Variants in DHCR24 observed in about 807,000 individuals in gnomAD.
DHCR24 encodes delta(24)-sterol reductase.
A neutral mutation model predicts 61.2 loss-of-function variants in DHCR24; 28 were observed. The ratio of observed to expected loss-of-function variants is 0.46; its 90% CI spans 0.34 to 0.63. The LOEUF (loss-of-function observed/expected upper bound fraction) is 0.63, where lower values mean the gene tolerates loss of function less well. Among genes scored for constraint, DHCR24 ranks in the 20% least tolerant of loss-of-function variants. The probability of loss-of-function intolerance (pLI) is 0.01; values close to 1 mark genes in which losing one functional copy is unlikely to be tolerated. For missense variants in DHCR24, 538 were observed against 679.1 expected, an observed-to-expected ratio of 0.79 and a Z score of 2.31; for synonymous variants, 261 against 275.9, an observed-to-expected ratio of 0.95 and a Z score of 0.54.
rs56198608 is a variant in DHCR24, at chr1:54,878,514, CAAAAAAAAAAAA to C, written c.388-2479_388-2468del. Among the ~76,000 whole-genome samples, 3 of 54,326 alleles carry C rather than the reference CAAAAAAAAAAAA, an allele frequency of 5.5e-5. 1 individual carries two copies. Among genetic ancestry groups the C allele is most frequent in the African/African-American group, 2.1e-4 (3 of 14,148 alleles). The allele number at this position is 54,326 out of a possible 152,430, so 35.6% of individuals were successfully genotyped here. On this transcript the variant is annotated intron_variant, in intron 2 of 8. Coordinates refer to ENST00000371269, the MANE Select transcript of DHCR24 (RefSeq NM_014762.4). The stretch of plus-strand genomic sequence containing the variant: ...GGGCAACAAGAGTGAAACTCTGTCT[CAAAAAAAAAAAA>C]AAAAAAAAAAAAAAAAAGATAATAG...
chr1:54,887,179 C>T lies in DHCR24; in HGVS notation c.-60G>A. The T allele has an allele frequency of 1.4e-6, 2 of 1,423,162 alleles. No individual in the cohort carries two copies. The highest frequency in any genetic ancestry group is 1.3e-5 in the South Asian group (1 of 79,116). The allele number at this position is 1,423,162 out of a possible 1,614,324, so 88.2% of individuals were successfully genotyped here. A position where few individuals can be genotyped will look rare whatever the true frequency, so the allele number is the denominator to read the frequency against. On this transcript the variant is annotated 5_prime_UTR_variant, in exon 1 of 9. Coordinates refer to ENST00000371269, the MANE Select transcript of DHCR24 (RefSeq NM_014762.4). ...CGCCTCCTGTCACTGCCGCCAGCTC[C>T]GCGCCTGGCCCGCTCTGCGCCTGTA...
chr1:54,876,567 T>A (rs1284078365), intron 2 of DHCR24, among the ~76,000 whole-genome samples: 1 of 151,822 alleles, frequency 6.6e-6, no homozygotes, highest in Non-Finnish European at 1.5e-5. Flanking sequence ...GGCAGGAGAA[T>A]CACTTGAACC....
intron 1 of DHCR24, among the ~76,000 whole-genome samples, chr1:54,885,151 G>A (rs1283851073): frequency 6.6e-6 from 1 of 152,180 alleles, no homozygotes; most frequent in Admixed American, 6.5e-5. Flanking sequence ...AGCTCAACAC[G>A]GGGAAGGACT....
Position 54,875,167 on chromosome 1 carries a change from A to C in DHCR24, c.538T>G (p.Tyr180Asp), listed in dbSNP as rs1461603195. ...GTGCAGATGTGTTGGAACAGGCCGT[A>C]CTTGTGGGATGATGACTCGATGCCT... is the stretch of plus-strand genomic sequence containing the variant. ...GTGIESSSHK[Y>D]GLFQHICTAY... The change falls in exon 4 of 9, where the codon TAC becomes GAC. Residue 180 changes from tyrosine to aspartate, a missense_variant. Tyr to Asp is a radical substitution (Grantham distance 160). Coordinates refer to ENST00000371269, the MANE Select transcript of DHCR24 (RefSeq NM_014762.4). 5.6e-6 allele frequency: 9 copies of C among 1,614,204 alleles called. No homozygotes were observed. In the South Asian group the frequency reaches 7.7e-5, roughly 14 times the overall value.
intron 1 of DHCR24, chr1:54,886,540 AC>A: frequency 8.1e-7 from 1 of 1,230,922 alleles, no homozygotes; most frequent in Non-Finnish European, 1.1e-6. Context: ...CATTTCCCAT[AC>A]TTCCCAATCT....
intron 5 of DHCR24, among the ~76,000 whole-genome samples, chr1:54,866,870 A>C (rs1646971010): frequency 6.6e-6 from 1 of 152,178 alleles, no homozygotes; most frequent in South Asian, 2.1e-4. Context: ...CAGCGCAAAA[A>C]ACACTCACGC....
chr1:54,865,397 T>G lies in DHCR24; in HGVS notation c.926A>C (p.Glu309Ala), dbSNP rs946944655. The G allele has an allele frequency of 2.5e-6, 4 of 1,614,176 alleles. No homozygotes were observed. Among genetic ancestry groups the G allele is most frequent in the Admixed American group, 3.3e-5 (2 of 60,016 alleles). The change falls in exon 6 of 9, where the codon GAG becomes GCG. Residue 309 changes from glutamate to alanine, a missense_variant. By Grantham distance (107) the Glu-to-Ala change is moderately radical. Transcript: ENST00000371269. Reference sequence around the variant, plus strand: ...CTCTCGGTTTGTCTTCAGATAGTTCTCCACATGCTTAAAGAACCACGGCTT... The same window carrying G: ...CTCTCGGTTTGTCTTCAGATAGTTCGCCACATGCTTAAAGAACCACGGCTT... ...YYKPWFFKHVENYLKTNREGL... is the reference protein window; with the variant it reads ...YYKPWFFKHVANYLKTNREGL...
In DHCR24 at chr1:54,850,035, A is replaced by G. The variant is rs1646866124; in HGVS notation, c.*2198T>C. ...ATGGCCAGGGACAGGACTGGCTACA[A>G]AAAAAAGCCATGAACTCAGCTCACC... is the stretch of plus-strand genomic sequence containing the variant. On this transcript the variant is annotated 3_prime_UTR_variant, in exon 9 of 9. Transcript: ENST00000371269. 1 of 152,222 alleles carries G rather than the reference A, an allele frequency of 6.6e-6. No individual in the cohort carries two copies. Among genetic ancestry groups the G allele is most frequent in the African/African-American group, 2.4e-5 (1 of 41,448 alleles). The allele number at this position is 152,222 out of a possible 1,614,324, so 9.4% of individuals were successfully genotyped here.
chr1:54,886,084 A>G (rs993493978), intron 1 of DHCR24, among the ~76,000 whole-genome samples: 2 of 152,200 alleles, frequency 1.3e-5, no homozygotes, highest in African/African-American at 2.4e-5. Flanking sequence ...TGGCAGCAGG[A>G]AACAGAAGCT....
At chr1:54,871,048 C>T (rs771595270) in intron 5 of DHCR24, among the ~76,000 whole-genome samples, 20 of 152,210 alleles carry the variant, frequency 1.3e-4, no homozygotes, top group Non-Finnish European at 2.4e-4. Flanking sequence ...GCCCAGCCTA[C>T]ATTACCTCTT....
rs149157846 is a variant in DHCR24 at position 54,868,499 on chromosome 1, A to G, written c.876+2851T>C. 2.3e-4 allele frequency among the ~76,000 whole-genome samples: 35 copies of G among 152,272 alleles called. No homozygotes were observed. The East Asian group carries it at 6.4e-3, about 28-fold the overall frequency. The stretch of plus-strand genomic sequence containing the variant: ...AAAAACAAAAGATATTACTCAAATT[A>G]CAGACAAAAGATGTTCATTGCTCCA... On this transcript the variant is annotated intron_variant, in intron 5 of 8. Transcript: ENST00000371269.
chr1:54,884,990 T>C (rs1449390019), intron 1 of DHCR24, among the ~76,000 whole-genome samples: 1 of 152,192 alleles, frequency 6.6e-6, no homozygotes, highest in Non-Finnish European at 1.5e-5. Context: ...CTGATCCAGT[T>C]GTACTCCCAG....
chr1:54,865,151 C>T (rs762165079), intron 6 of DHCR24, 152 bp downstream of exon 6: 6 of 932,070 alleles, frequency 6.4e-6, no homozygotes, highest in East Asian at 2.7e-5. Context: ...CAGAAGGAAA[C>T]GACTGTGTTG....
chr1:54,876,877 AGGAGGCTGGT>A (rs1647036580), intron 2 of DHCR24, among the ~76,000 whole-genome samples: 1 of 151,850 alleles, frequency 6.6e-6, no homozygotes, highest in Non-Finnish European at 1.5e-5. Context: ...CATGTGCCCA[AGGAGGCTGGT>A]GCACAGCTTG....
At position 54,850,320 on chromosome 1, in the gene DHCR24, C is replaced by A. The variant is rs1049160937; in HGVS notation, c.*1913G>T. ...ATTCATCTACAGCAAGTAGAATCAT[C>A]AGTTTTGCACTGAGCAAGGAAGCAC... On this transcript the variant is annotated 3_prime_UTR_variant, in exon 9 of 9. Transcript: ENST00000371269. 6.6e-6 allele frequency: 1 copy of A among 152,248 alleles called. No individual in the cohort carries two copies. Among genetic ancestry groups the A allele is most frequent in the Non-Finnish European group, 1.5e-5 (1 of 68,050 alleles). 9.4% of individuals were successfully genotyped at this position (152,248 alleles called of 1,614,324 possible).
intron 1 of DHCR24, 27 bp downstream of exon 1, chr1:54,886,862 G>C (rs970478802): frequency 1.2e-6 from 2 of 1,608,172 alleles, no homozygotes; most frequent in Non-Finnish European, 1.7e-6. Context: ...CCGGCCCTGA[G>C]TCCCGGCCGC....
At position 54,865,170 on chromosome 1, in the gene DHCR24, G is replaced by A. The variant is rs1043504071; in HGVS notation, c.1020+133C>T. 5.5e-6 allele frequency: 6 copies of A among 1,090,590 alleles called. No homozygotes were observed. The East Asian group carries it at 1.6e-4, about 28-fold the overall frequency. 67.6% of individuals were successfully genotyped at this position (1,090,590 alleles called of 1,614,324 possible). On this transcript the variant is annotated intron_variant, in intron 6 of 8. Coordinates refer to ENST00000371269, the MANE Select transcript of DHCR24 (RefSeq NM_014762.4). ...AGGAAACGACTGTGTTGCTGCTTAAGAAGGCATTGCAGTTCCTTAGGACAA... is the reference window on the plus strand; with the variant it reads ...AGGAAACGACTGTGTTGCTGCTTAAAAAGGCATTGCAGTTCCTTAGGACAA...
rs1485842160 is a variant in DHCR24 at position 54,865,431 on chromosome 1, T to G, written c.892A>C (p.Asn298His). 1.2e-6 allele frequency: 2 copies of G among 1,614,054 alleles called. No individual in the cohort carries two copies. The highest frequency in any genetic ancestry group is 1.7e-6 in the Non-Finnish European group (2 of 1,180,046). Reference protein sequence around the residue: ...AEPSKLNSIGNYYKPWFFKHV... With the variant: ...AEPSKLNSIGHYYKPWFFKHV... ...TTAAAGAACCACGGCTTGTAGTAAT[T>G]GCCAATGCTATTCAGCTGAAATGAC... The change falls in exon 6 of 9, where the codon AAT (asparagine) becomes CAT (histidine). Residue 298 changes from asparagine to histidine, a missense_variant. Transcript: ENST00000371269.
Position 54,857,953 on chromosome 1 carries a change from G to A in DHCR24, c.1021-3719C>T, listed in dbSNP as rs147447581. Among the ~76,000 whole-genome samples the A allele has an allele frequency of 2.4e-4, 36 of 152,304 alleles. No homozygotes were observed. The East Asian group carries it at 7.0e-3, about 29-fold the overall frequency. ...GCTTGTTAAGGGGCTTAGCACGCAGGCCTGGTCACACTTGGTTCATTCCAG... is the reference window on the plus strand; with the variant it reads ...GCTTGTTAAGGGGCTTAGCACGCAGACCTGGTCACACTTGGTTCATTCCAG... On this transcript the variant is annotated intron_variant, in intron 6 of 8. Transcript: ENST00000371269.
Sources: allele counts gnomAD v4.1 joint callset (sites outside exome capture counted in the v4.1 genomes callset), GRCh38; gene constraint gnomAD v4.1.1; transcripts MANE v1.5; gene names NCBI Gene and HGNC (gene_info 2026-07-23, HGNC 2026-07-21).